Variants in RAI14 observed in about 807,000 individuals in gnomAD.
The protein encoded by RAI14 is retinoic acid induced 14.
In RAI14, 45 loss-of-function variants were observed where a neutral mutation model predicts 115.4. The ratio of observed to expected loss-of-function variants is 0.39; its 90% CI spans 0.31 to 0.50. The LOEUF is 0.50. Ranked by LOEUF, RAI14 falls within the 20% of genes least tolerant of loss-of-function variation. The probability of loss-of-function intolerance (pLI) is 0.85; values close to 1 mark genes in which losing one functional copy is unlikely to be tolerated. For missense variants in RAI14, 939 were observed against 1,131.2 expected (o/e 0.83, Z 2.44); for synonymous variants, 371 against 415.4 (o/e 0.89, Z 1.30).
intron 3 of RAI14, among the ~76,000 whole-genome samples, chr5:34,776,803 T>TCAAAAAAAAAAAACAACAAAA (rs1279080501): frequency 6.9e-6 from 1 of 144,874 alleles, no homozygotes; most frequent in Admixed American, 6.9e-5. Flanking sequence ...TGAGACCCTT[T>TCAAAAAAAAAAAACAACAAAA]ATTAAAAAAA....
Position 34,665,258 on chromosome 5 carries a change from G to A in RAI14, c.-49+8783G>A, listed in dbSNP as rs899806082. On this transcript the variant is annotated intron_variant, in intron 1 of 17. Transcript: ENST00000265109. ...TGATGGGTATTTGGGTTGGTTCCACGTTTTTGCAATCAGTTTGCTTAATTT... is the reference window on the plus strand; with the variant it reads ...TGATGGGTATTTGGGTTGGTTCCACATTTTTGCAATCAGTTTGCTTAATTT... 4.3e-5 allele frequency among the ~76,000 whole-genome samples: 6 copies of A among 138,530 alleles called. No homozygotes were observed. The South Asian group carries it at 6.9e-4, about 16-fold the overall frequency. 90.9% of individuals were successfully genotyped at this position (138,530 alleles called of 152,430 possible). A position where few individuals can be genotyped will look rare whatever the true frequency, so the allele number is the denominator to read the frequency against.
chr5:34,661,380 T>G (rs1742677430), intron 1 of RAI14, among the ~76,000 whole-genome samples: 1 of 152,178 alleles, frequency 6.6e-6, no homozygotes, highest in South Asian at 2.1e-4. Context: ...TAGAACAATG[T>G]TGACCCCTAG....
intron 1 of RAI14, among the ~76,000 whole-genome samples, chr5:34,663,821 G>T (rs921662913): frequency 6.6e-6 from 1 of 152,356 alleles, no homozygotes; most frequent in South Asian, 2.1e-4. Context: ...AAGTTCAGAA[G>T]ATGTGAAAGA....
chr5:34,677,741 T>G (rs745967547), intron 1 of RAI14, among the ~76,000 whole-genome samples: 1 of 152,186 alleles, frequency 6.6e-6, no homozygotes, highest in Non-Finnish European at 1.5e-5. Context: ...ACCCAGCCTC[T>G]GACTTTTCTG....
At position 34,811,036 on chromosome 5, in the gene RAI14, G is replaced by A. The variant is rs749996123; in HGVS notation, c.475G>A (p.Ala159Thr). The A allele has an allele frequency of 1.2e-6, 2 of 1,613,996 alleles. No homozygotes were observed. Among genetic ancestry groups the A allele is most frequent in the Admixed American group, 1.7e-5 (1 of 59,984 alleles). Residue 159 changes from alanine (A) to threonine (T), a missense_variant, in exon 8 of 18, where the codon GCT becomes ACT. Coordinates refer to ENST00000265109, the MANE Select transcript of RAI14 (RefSeq NM_015577.3). ...DLDGNIPLLL[A>T]VQNGHSEICH... ...GGATGGGAATATACCGCTGCTTCTT[G>A]CTGTACAAAATGGTCACAGTGAGAT...
At chr5:34,818,572 C>T (rs1266211230) in intron 12 of RAI14, among the ~76,000 whole-genome samples, 1 of 152,086 alleles carries the variant, frequency 6.6e-6, no homozygotes, top group African/African-American at 2.4e-5. Flanking sequence ...AGAGAATATG[C>T]CCTCTGGAAC....
At chr5:34,774,936 C>T (rs769479822) in intron 3 of RAI14, among the ~76,000 whole-genome samples, 12 of 152,134 alleles carry the variant, frequency 7.9e-5, no homozygotes, top group East Asian at 5.8e-4. Flanking sequence ...ACCAATAGAG[C>T]GGAACAGAGA....
chr5:34,758,140 GGAGAGAGCACT>G (rs1274084492), intron 3 of RAI14, among the ~76,000 whole-genome samples: 1 of 152,214 alleles, frequency 6.6e-6, no homozygotes, highest in Non-Finnish European at 1.5e-5. Flanking sequence ...GCAGTGTTGT[GGAGAGAGCACT>G]GACTTTGGAG....
At chr5:34,660,833 C>G (rs1742636000) in intron 1 of RAI14, among the ~76,000 whole-genome samples, 1 of 150,830 alleles carries the variant, frequency 6.6e-6, no homozygotes, top group Non-Finnish European at 1.5e-5. Context: ...ATGCAATCAT[C>G]ATGCTCGTGA....
intron 3 of RAI14, among the ~76,000 whole-genome samples, chr5:34,784,807 A>G (rs1020779999): frequency 1.3e-5 from 2 of 152,224 alleles, no homozygotes; most frequent in African/African-American, 4.8e-5. Context: ...GCCAAGGGCT[A>G]GTGAGACTAG....
intron 2 of RAI14, among the ~76,000 whole-genome samples, chr5:34,741,995 C>G (rs970649076): frequency 1.3e-5 from 2 of 152,058 alleles, no homozygotes; most frequent in African/African-American, 4.8e-5. Flanking sequence ...AAGTAGGAAC[C>G]AAAAAGGTGT....
intron 2 of RAI14, among the ~76,000 whole-genome samples, chr5:34,738,297 T>C (rs1580084849): frequency 6.6e-6 from 1 of 152,302 alleles, no homozygotes; most frequent in East Asian, 1.9e-4. Context: ...CAAATATTTC[T>C]GTCCAAAATA....
At chr5:34,660,394 C>T (rs913256082) in intron 1 of RAI14, among the ~76,000 whole-genome samples, 2 of 152,140 alleles carry the variant, frequency 1.3e-5, no homozygotes, top group African/African-American at 4.8e-5. Context: ...ATCCCACCGG[C>T]CATTGTACTC....
intron 3 of RAI14, among the ~76,000 whole-genome samples, chr5:34,771,136 G>A (rs1427661274): frequency 6.6e-6 from 1 of 152,212 alleles, no homozygotes; most frequent in Non-Finnish European, 1.5e-5. Context: ...GGGCAGGGCA[G>A]TGATCTTTGA....
chr5:34,748,199 G>T (rs1746535363), intron 2 of RAI14, among the ~76,000 whole-genome samples: 1 of 152,250 alleles, frequency 6.6e-6, no homozygotes, highest in South Asian at 2.1e-4. Context: ...TTTAGGGAGA[G>T]TGATGGATTT....
chr5:34,820,463 G>GT (rs1422818914), intron 13 of RAI14, among the ~76,000 whole-genome samples: 6 of 152,126 alleles, frequency 3.9e-5, no homozygotes, highest in African/African-American at 1.4e-4. Context: ...GAGATTTTAT[G>GT]TAATAGTTAA....
intron 2 of RAI14, among the ~76,000 whole-genome samples, chr5:34,697,080 G>A (rs552193210): frequency 1.3e-5 from 2 of 151,590 alleles, no homozygotes; most frequent in Non-Finnish European, 2.9e-5. Context: ...GCAGTGAGCT[G>A]AGATTGTGCC....
chr5:34,806,375 G>C (rs1169513568), intron 5 of RAI14, among the ~76,000 whole-genome samples: 2 of 152,214 alleles, frequency 1.3e-5, no homozygotes, highest in Admixed American at 1.3e-4. Context: ...TAAGTAGACA[G>C]TGAGAGTCAC....
In RAI14 at chr5:34,761,385, G is replaced by A. The variant is rs163120; in HGVS notation, c.167+3787G>A. ...TTTTGTTTTGTTTTGTTTTGTTTTT[G>A]TAATGATGGGGTCTTGCTGTCTTGT... is the stretch of plus-strand genomic sequence containing the variant. On this transcript the variant is annotated intron_variant, in intron 3 of 17. Transcript: ENST00000265109. Among the ~76,000 whole-genome samples the A allele has an allele frequency of 3.3e-5, 5 of 152,188 alleles. No individual in the cohort carries two copies. In the East Asian group the frequency reaches 9.7e-4, roughly 29 times the overall value.
Sources: gnomAD v4.1 joint callset for allele counts (sites outside exome capture counted in the v4.1 genomes callset) on GRCh38, gnomAD v4.1.1 for gene constraint, MANE v1.5 for transcripts, NCBI Gene and HGNC (gene_info 2026-07-23, HGNC 2026-07-21) for gene names.